The following MCCC1 variants were observed in gnomAD, a reference collection of about 807,000 sequenced individuals.
MCCC1 encodes the protein methylcrotonyl-CoA carboxylase subunit 1, also known as methylcrotonoyl-CoA carboxylase subunit alpha, mitochondrial.
Under a neutral mutation model 83.8 loss-of-function variants are expected in MCCC1, and 64 were observed. The ratio of observed to expected loss-of-function variants is 0.76; its 90% CI spans 0.62 to 0.94. The LOEUF is 0.94. Ranked by LOEUF, MCCC1 falls within the 40% of genes least tolerant of loss-of-function variation. MCCC1 has a pLI of 0.00. For missense variants in MCCC1, 807 were observed against 904.7 expected, an observed-to-expected ratio of 0.89 and a Z score of 1.39; for synonymous variants, 322 against 315.4, an observed-to-expected ratio of 1.02 and a Z score of -0.22.
At chr3:183,085,212 A>T (rs1251597829) in intron 4 of MCCC1, among the ~76,000 whole-genome samples, 1 of 152,102 alleles carries the variant, frequency 6.6e-6, no homozygotes, top group African/African-American at 2.4e-5. Context: ...CCTTCTTTCA[A>T]TGTTGTTGTC....
chr3:183,102,921 G>A (rs768440128), upstream of MCCC1, among the ~76,000 whole-genome samples: 4 of 151,446 alleles, frequency 2.6e-5, no homozygotes, highest in Non-Finnish European at 4.4e-5. Flanking sequence ...CGAATAGCTA[G>A]GATTACAGGC....
At chr3:183,058,111 C>A (rs1715559048) in intron 7 of MCCC1, among the ~76,000 whole-genome samples, 1 of 152,068 alleles carries the variant, frequency 6.6e-6, no homozygotes. Context: ...AATTTGACTA[C>A]ATCAAAATTA....
At chr3:183,089,752 A>G (rs1718178627) in intron 3 of MCCC1, among the ~76,000 whole-genome samples, 1 of 152,226 alleles carries the variant, frequency 6.6e-6, no homozygotes, top group Admixed American at 6.5e-5. Flanking sequence ...AGAGTAGGAA[A>G]GAAGAGAGAA....
intron 17 of MCCC1, among the ~76,000 whole-genome samples, chr3:183,018,248 C>T (rs60597771): frequency 6.7e-6 from 1 of 149,422 alleles, no homozygotes; most frequent in African/African-American, 2.5e-5. Flanking sequence ...AGCCCAAATG[C>T]ACTGGTCAAA....
chr3:183,103,312 G>A (rs1719350076), upstream of MCCC1, among the ~76,000 whole-genome samples: 1 of 152,106 alleles, frequency 6.6e-6, no homozygotes, highest in South Asian at 2.1e-4. Flanking sequence ...CTCGCTCTGG[G>A]CAGCCTGCTT....
chr3:183,106,630 C>T (rs1376377683), intron 1 of MCCC1, among the ~76,000 whole-genome samples: 1 of 151,984 alleles, frequency 6.6e-6, no homozygotes, highest in African/African-American at 2.4e-5. Flanking sequence ...TCCTGAGTAG[C>T]TGGGATTGCA....
intron 7 of MCCC1, among the ~76,000 whole-genome samples, chr3:183,070,607 C>T (rs986717387): frequency 6.6e-6 from 1 of 152,100 alleles, no homozygotes. Context: ...GTGGGGCATA[C>T]CTGTAATTCC....
At chr3:183,063,232 T>G (rs1298130415) in intron 7 of MCCC1, among the ~76,000 whole-genome samples, 3 of 151,930 alleles carry the variant, frequency 2.0e-5, no homozygotes, top group African/African-American at 7.2e-5. Context: ...TCTGCCCACC[T>G]CAGCCTCCCA....
intron 4 of MCCC1, among the ~76,000 whole-genome samples, chr3:183,075,849 C>T (rs1288012493): frequency 6.6e-6 from 1 of 152,072 alleles, no homozygotes; most frequent in Non-Finnish European, 1.5e-5. Flanking sequence ...TGTCCTTTGC[C>T]CACTTTTTAA....
At chr3:183,100,563 A>T (rs1377934515), upstream of MCCC1, among the ~76,000 whole-genome samples, 2 of 152,272 alleles carry the variant, frequency 1.3e-5, no homozygotes, top group Admixed American at 6.5e-5. Flanking sequence ...AACTCTTTTT[A>T]AAAAGTAAAC....
intron 7 of MCCC1, among the ~76,000 whole-genome samples, chr3:183,069,969 T>C (rs1323345701): frequency 6.6e-6 from 1 of 152,190 alleles, no homozygotes; most frequent in Admixed American, 6.5e-5. Context: ...CTTTACTACT[T>C]AACAGCTGAG....
chr3:183,065,246 T>C (rs764537643), intron 7 of MCCC1, among the ~76,000 whole-genome samples: 3 of 152,082 alleles, frequency 2.0e-5, no homozygotes, highest in Non-Finnish European at 4.4e-5. Flanking sequence ...TCCCCTCTTG[T>C]CTTGTATGTC....
intron 14 of MCCC1, among the ~76,000 whole-genome samples, chr3:183,030,312 A>C (rs536213741): frequency 6.6e-6 from 1 of 152,314 alleles, no homozygotes; most frequent in Admixed American, 6.5e-5. Flanking sequence ...TCCGTCTCAA[A>C]ACAAAACACA....
Position 183,106,510 on chromosome 3 carries a change from C to G in MCCC1, c.-102+8964G>C, listed in dbSNP as rs577795911. Among the ~76,000 whole-genome samples, 8 of 143,952 alleles carry G rather than the reference C, an allele frequency of 5.6e-5. No individual in the cohort carries two copies. The South Asian group carries it at 1.3e-3, about 24-fold the overall frequency. 94.4% of individuals were successfully genotyped at this position (143,952 alleles called of 152,430 possible). A position where few individuals can be genotyped will look rare whatever the true frequency, so the allele number is the denominator to read the frequency against. ...TCTTTCTTTCTTTCTTTCTTTCTTT[C>G]TTTTTTGAAACAGAGTCTCGCTCTG... On this transcript the variant is annotated intron_variant, in intron 1 of 17. Transcript: ENST00000492597.
intron 3 of MCCC1, among the ~76,000 whole-genome samples, chr3:183,090,602 T>C (rs375978710): frequency 3.3e-5 from 5 of 151,952 alleles, no homozygotes; most frequent in African/African-American, 1.2e-4. Flanking sequence ...TTTTTTTTTT[T>C]CTTTGAGACA....
intron 2 of MCCC1, among the ~76,000 whole-genome samples, chr3:183,093,043 G>C (rs1718480660): frequency 6.6e-6 from 1 of 152,028 alleles, no homozygotes; most frequent in South Asian, 2.1e-4. Context: ...ACAGGTGCCT[G>C]CCACCACGCC....
intron 7 of MCCC1, among the ~76,000 whole-genome samples, chr3:183,069,940 G>T (rs895422774): frequency 2.0e-5 from 3 of 152,192 alleles, no homozygotes; most frequent in African/African-American, 7.2e-5. Flanking sequence ...GAGTCAAAGT[G>T]CCTGGGTTCA....
chr3:183,059,988 T>C (rs1715704500), intron 7 of MCCC1, among the ~76,000 whole-genome samples: 3 of 152,224 alleles, frequency 2.0e-5, no homozygotes. Context: ...CTTGGTGTCC[T>C]CTGAGTTTCC....
intron 11 of MCCC1, among the ~76,000 whole-genome samples, chr3:183,040,035 G>A (rs1186260206): frequency 7.2e-6 from 1 of 138,970 alleles, no homozygotes; most frequent in Non-Finnish European, 1.5e-5. Context: ...AGTGGAGGTT[G>A]CAGTGAGCCA....
Sources: allele counts gnomAD v4.1 joint callset (sites outside exome capture counted in the v4.1 genomes callset), GRCh38; gene constraint gnomAD v4.1.1; transcripts MANE v1.5; gene names NCBI Gene and HGNC (gene_info 2026-07-23, HGNC 2026-07-21).